The following DENND2A variants were observed in gnomAD, a reference collection of about 807,000 sequenced individuals.
DENND2A encodes the protein DENN domain containing 2A, also known as DENN domain-containing protein 2A.
In DENND2A, 53 loss-of-function variants were observed where a neutral mutation model predicts 105.3. That is an observed-to-expected ratio of 0.50 (90% confidence interval 0.40 to 0.63). The LOEUF (loss-of-function observed/expected upper bound fraction) is 0.63, where lower values mean the gene tolerates loss of function less well. Among genes scored for constraint, DENND2A ranks in the 30% least tolerant of loss-of-function variants. DENND2A has a pLI of 0.00. For synonymous variants in DENND2A, 522 were observed against 508.4 expected, an observed-to-expected ratio of 1.03 and a Z score of -0.36; for missense variants, 1,138 against 1,279.6, an observed-to-expected ratio of 0.89 and a Z score of 1.69.
chr7:140,558,387 G>T (rs965600659), intron 10 of DENND2A, among the ~76,000 whole-genome samples, 175 bp from the exon 11 acceptor site: 2 of 152,172 alleles, frequency 1.3e-5, no homozygotes, highest in Non-Finnish European at 2.9e-5. Context: ...GTCACCCATA[G>T]CTTCATAGTA....
At chr7:140,626,787 C>T (rs1433608176) in intron 1 of DENND2A, among the ~76,000 whole-genome samples, 4 of 152,224 alleles carry the variant, frequency 2.6e-5, no homozygotes, top group African/African-American at 9.7e-5. Context: ...ACGTCATCTT[C>T]CATCCCCTTG....
intron 18 of DENND2A, 56 bp from the exon 19 acceptor site, chr7:140,519,774 G>A: frequency 1.3e-6 from 2 of 1,482,210 alleles, no homozygotes; most frequent in Admixed American, 1.7e-5. Context: ...ACTTCTAAAT[G>A]TGTCCATTTC....
chr7:140,552,309 T>TC (rs1797170161), intron 12 of DENND2A, among the ~76,000 whole-genome samples: 1 of 152,032 alleles, frequency 6.6e-6, no homozygotes, highest in South Asian at 2.1e-4. Flanking sequence ...TCTCTCTTTT[T>TC]CCCTTCTTTC....
At chr7:140,582,097 T>C (rs1304202061) in intron 5 of DENND2A, among the ~76,000 whole-genome samples, 1 of 152,104 alleles carries the variant, frequency 6.6e-6, no homozygotes, top group African/African-American at 2.4e-5. Flanking sequence ...CCCGAGTAGC[T>C]GGGATTACAG....
intron 13 of DENND2A, chr7:140,544,967 G>A (rs966541868): frequency 6.9e-5 from 50 of 721,614 alleles, no homozygotes; most frequent in African/African-American, 1.2e-4. Context: ...GGTAGCTTTG[G>A]TAGGGAAGCA....
Position 140,561,596 on chromosome 7 carries a change from T to G in DENND2A, c.1780-1779A>C, listed in dbSNP as rs530519543. Among the ~76,000 whole-genome samples, 5 of 147,908 alleles carry G rather than the reference T, an allele frequency of 3.4e-5. No individual in the cohort carries two copies. In the South Asian group the frequency reaches 1.1e-3, roughly 33 times the overall value. On this transcript the variant is annotated intron_variant, in intron 9 of 19. Transcript: ENST00000496613. The stretch of plus-strand genomic sequence containing the variant: ...CTCACTGCATGGGTTCTCTGCGTCA[T>G]GGGTTCAAGTGATTCTCCTGCCTCA...
chr7:140,519,175 G>A (rs1028271328), intron 19 of DENND2A, among the ~76,000 whole-genome samples: 1 of 152,140 alleles, frequency 6.6e-6, no homozygotes, highest in Admixed American at 6.5e-5. Flanking sequence ...CCCTACTGGG[G>A]CCTCCGTCCT....
chr7:140,578,866 T>C (rs899617985), intron 5 of DENND2A, among the ~76,000 whole-genome samples: 2 of 152,096 alleles, frequency 1.3e-5, no homozygotes, highest in Non-Finnish European at 2.9e-5. Flanking sequence ...AGCGTGAGAC[T>C]TCGTCTCATA....
intron 1 of DENND2A, among the ~76,000 whole-genome samples, chr7:140,619,991 A>G (rs1227289463): frequency 6.6e-6 from 1 of 151,812 alleles, no homozygotes; most frequent in East Asian, 2.0e-4. Flanking sequence ...TCAGGAGTTC[A>G]AAACCAGCCT....
intron 1 of DENND2A, among the ~76,000 whole-genome samples, chr7:140,619,113 A>T (rs1428407213): frequency 1.3e-5 from 2 of 152,146 alleles, no homozygotes; most frequent in Non-Finnish European, 2.9e-5. Context: ...ATATATTTCT[A>T]TACTTTGGGA....
Position 140,519,663 on chromosome 7 carries a change from G to C in DENND2A, c.2967C>G (p.His989Gln), listed in dbSNP as rs2130443581. 6.2e-7 allele frequency: 1 copy of C among 1,614,126 alleles called. No homozygotes were observed. Among genetic ancestry groups the C allele is most frequent in the East Asian group, 2.2e-5 (1 of 44,866 alleles). ...EYLETLPSGE[H>Q]SGVNKFLKGL... The stretch of plus-strand genomic sequence containing the variant: ...CCTTCAGGAACTTATTGACACCGCT[G>C]TGCTCTCCACTGGGGAGTGTTTCCA... The change falls in exon 19 of 20, where the codon CAC becomes CAG. Residue 989 changes from histidine to glutamine, a missense_variant. His to Gln is a conservative substitution (Grantham distance 24). Transcript: ENST00000496613.
intron 18 of DENND2A, among the ~76,000 whole-genome samples, chr7:140,521,359 C>T (rs182554091): frequency 7.0e-4 from 107 of 151,876 alleles, no homozygotes; most frequent in African/African-American, 2.0e-3. Context: ...TTGCAACTTC[C>T]ACCTCCCAGG....
rs989162584 is a variant in DENND2A, at chr7:140,523,573, T to A, written c.2548-149A>T. 1 of 658,358 alleles carries A rather than the reference T, an allele frequency of 1.5e-6. No homozygotes were observed. The highest frequency in any genetic ancestry group is 1.8e-5 in the African/African-American group (1 of 54,778). The allele number at this position is 658,358 out of a possible 1,614,324, so 40.8% of individuals were successfully genotyped here. The stretch of plus-strand genomic sequence containing the variant: ...GAAAGCCAGAGGTCTGAGGTTTCAA[T>A]CTTGAGCCTACTTTTTTTTTTGAGA... On this transcript the variant is annotated intron_variant, in intron 16 of 19. Coordinates refer to ENST00000496613, the MANE Select transcript of DENND2A (RefSeq NM_015689.5). This position sits in a 1 kb window ranked among gnomAD's most constrained non-coding sequence, Gnocchi z 4.5.
intron 12 of DENND2A, among the ~76,000 whole-genome samples, chr7:140,548,941 G>A (rs1277368388): frequency 3.3e-5 from 5 of 151,882 alleles, no homozygotes; most frequent in African/African-American, 1.2e-4. Flanking sequence ...AATACCAGCC[G>A]GGCATGGTGG....
chr7:140,558,221 G>C lies in DENND2A; in HGVS notation c.1890-9C>G. The C allele has an allele frequency of 6.2e-7, 1 of 1,609,734 alleles. No individual in the cohort carries two copies. Among genetic ancestry groups the C allele is most frequent in the South Asian group, 1.1e-5 (1 of 90,932 alleles). On this transcript the variant is annotated splice_polypyrimidine_tract_variant and intron_variant, in intron 10 of 19. Transcript: ENST00000496613. ...CAAATGAGAATGTTTCACTGTGGTT[G>C]GGAAAACACAAATGTATCATAAAGC...
chr7:140,549,322 G>A (rs528486869), intron 12 of DENND2A, among the ~76,000 whole-genome samples: 5 of 151,620 alleles, frequency 3.3e-5, no homozygotes, highest in Admixed American at 6.6e-5. Flanking sequence ...GTGCAATGGC[G>A]CAATCTTGGC....
chr7:140,519,172 G>A (rs779860919), intron 19 of DENND2A, among the ~76,000 whole-genome samples: 1 of 151,386 alleles, frequency 6.6e-6, no homozygotes, highest in Non-Finnish European at 1.5e-5. Flanking sequence ...CCTCCCTACT[G>A]GGGCCTCCGT....
intron 6 of DENND2A, among the ~76,000 whole-genome samples, chr7:140,571,261 T>C (rs1179884539): frequency 6.6e-6 from 1 of 152,112 alleles, no homozygotes; most frequent in Non-Finnish European, 1.5e-5. Flanking sequence ...CGGTTTCAAG[T>C]GATTCTCATG....
chr7:140,521,477 A>G (rs1795858287), intron 18 of DENND2A, among the ~76,000 whole-genome samples: 1 of 151,794 alleles, frequency 6.6e-6, no homozygotes, highest in Non-Finnish European at 1.5e-5. Flanking sequence ...GGGTTGCACC[A>G]TGTTGTCCAG....
Sources: allele counts gnomAD v4.1 joint callset (sites outside exome capture counted in the v4.1 genomes callset), GRCh38; gene constraint gnomAD v4.1.1; non-coding constraint Gnocchi (gnomAD v3.1); transcripts MANE v1.5; gene names NCBI Gene and HGNC (gene_info 2026-07-23, HGNC 2026-07-21).